The following EDIL3 variants were observed in gnomAD, a reference collection of about 807,000 sequenced individuals.
The protein encoded by EDIL3 is EGF-like repeat and discoidin I-like domain-containing protein 3.
Under a neutral mutation model 67.4 loss-of-function variants are expected in EDIL3, and 37 were observed. The ratio of observed to expected loss-of-function variants is 0.55; its 90% CI spans 0.42 to 0.72. The LOEUF is 0.72. Among genes scored for constraint, EDIL3 ranks in the 30% least tolerant of loss-of-function variants. The pLI is 0.00. For synonymous variants in EDIL3, 195 were observed against 196.3 expected, an observed-to-expected ratio of 0.99 and a Z score of 0.05; for missense variants, 527 against 586.3, an observed-to-expected ratio of 0.90 and a Z score of 1.04.
At chr5:84,184,419 G>A (rs937707149) in intron 3 of EDIL3, among the ~76,000 whole-genome samples, 3 of 152,184 alleles carry the variant, frequency 2.0e-5, no homozygotes, top group East Asian at 1.9e-4. Context: ...CAATGTGCTC[G>A]GAGGCTGTAA....
At chr5:84,330,557 C>T (rs1746850926) in intron 1 of EDIL3, among the ~76,000 whole-genome samples, 1 of 152,116 alleles carries the variant, frequency 6.6e-6, no homozygotes, top group African/African-American at 2.4e-5. Flanking sequence ...TCAATAAAAA[C>T]ATTACCTTGA....
In EDIL3 at chr5:84,075,642, A is replaced by C. The variant is rs181657877; in HGVS notation, c.652-9036T>G. Among the ~76,000 whole-genome samples, 404 of 151,926 alleles carry C rather than the reference A, an allele frequency of 2.7e-3. 2 individuals carry two copies. The highest frequency in any genetic ancestry group is 9.5e-3 in the African/African-American group (392 of 41,448). The stretch of plus-strand genomic sequence containing the variant: ...AGGCGTGTGCCACCACTCCTGGCTA[A>C]TTTTGTATTTTTAGTAGAGATGGAG... On this transcript the variant is annotated intron_variant, in intron 6 of 10. Coordinates refer to ENST00000296591, the MANE Select transcript of EDIL3 (RefSeq NM_005711.5).
At chr5:84,065,729 A>G (rs746312339) in intron 7 of EDIL3, among the ~76,000 whole-genome samples, 1 of 152,184 alleles carries the variant, frequency 6.6e-6, no homozygotes, top group South Asian at 2.1e-4. Flanking sequence ...TTCCAATATG[A>G]AGCATATAAA....
intron 9 of EDIL3, among the ~76,000 whole-genome samples, chr5:84,027,156 G>C (rs1447976524): frequency 2.6e-5 from 4 of 152,124 alleles, no homozygotes; most frequent in African/African-American, 7.2e-5. Flanking sequence ...GGTGTCCTTT[G>C]AGCTCAAGCT....
chr5:84,037,265 CTG>C, intron 9 of EDIL3, among the ~76,000 whole-genome samples: 1 of 152,286 alleles, frequency 6.6e-6, no homozygotes, highest in South Asian at 2.1e-4. Context: ...CTAAATAAAG[CTG>C]TGTCCTAAAA....
At chr5:84,276,811 A>T (rs1421563233) in intron 1 of EDIL3, among the ~76,000 whole-genome samples, 2 of 151,928 alleles carry the variant, frequency 1.3e-5, no homozygotes, top group Non-Finnish European at 2.9e-5. Context: ...TGACCTCGCG[A>T]TCCACCCGCC....
chr5:84,312,539 G>C (rs1746426279), intron 1 of EDIL3, among the ~76,000 whole-genome samples: 1 of 148,048 alleles, frequency 6.8e-6, no homozygotes, highest in African/African-American at 2.5e-5. Context: ...CCCGGACAGG[G>C]GTGGCTGGCC....
chr5:84,230,881 T>C (rs1327404197), intron 2 of EDIL3, among the ~76,000 whole-genome samples: 2 of 151,816 alleles, frequency 1.3e-5, no homozygotes, highest in Non-Finnish European at 2.9e-5. Context: ...ACCTGCATTT[T>C]AAAGAGTGAC....
intron 2 of EDIL3, among the ~76,000 whole-genome samples, chr5:84,245,640 T>A (rs564872077): frequency 2.0e-5 from 3 of 152,278 alleles, no homozygotes; most frequent in African/African-American, 7.2e-5. Context: ...ATTTTTGGCA[T>A]GTTTTACATA....
At chr5:84,371,464 GAGAGAGAGAGAGAA>G (rs985274968) in intron 1 of EDIL3, among the ~76,000 whole-genome samples, 3 of 147,576 alleles carry the variant, frequency 2.0e-5, no homozygotes, top group African/African-American at 7.4e-5. Context: ...GAGAGAGAGA[GAGAGAGAGAGAGAA>G]AGAGAGAGAG....
intron 5 of EDIL3, among the ~76,000 whole-genome samples, chr5:84,123,052 CTG>C (rs1438311076): frequency 6.6e-6 from 1 of 151,874 alleles, no homozygotes; most frequent in East Asian, 1.9e-4. Flanking sequence ...CTCTCTCTCA[CTG>C]TGTATTTTCT....
At chr5:84,081,467 ATAAAAACCACATT>A (rs1746966476) in intron 6 of EDIL3, among the ~76,000 whole-genome samples, 1 of 152,250 alleles carries the variant, frequency 6.6e-6, no homozygotes, top group Non-Finnish European at 1.5e-5. Flanking sequence ...GCTAATCCCA[ATAAAAACCACATT>A]AGAAACAATG....
intron 4 of EDIL3, among the ~76,000 whole-genome samples, chr5:84,167,997 A>G (rs1407273189): frequency 1.3e-5 from 2 of 152,210 alleles, no homozygotes; most frequent in Non-Finnish European, 2.9e-5. Context: ...AAGATATATC[A>G]TATAAAATGA....
chr5:84,024,730 T>A (rs10069863), intron 9 of EDIL3, among the ~76,000 whole-genome samples: 2 of 152,058 alleles, frequency 1.3e-5, no homozygotes, highest in East Asian at 3.9e-4. Context: ...ACATGAAATA[T>A]CAAAATACGG....
chr5:84,034,010 A>G (rs1668528271), intron 9 of EDIL3, among the ~76,000 whole-genome samples: 1 of 152,316 alleles, frequency 6.6e-6, no homozygotes, highest in South Asian at 2.1e-4. Flanking sequence ...GCTCACAGGA[A>G]AAACTCCAGA....
chr5:84,234,651 T>C (rs974515359), intron 2 of EDIL3, among the ~76,000 whole-genome samples: 2 of 152,168 alleles, frequency 1.3e-5, no homozygotes, highest in African/African-American at 4.8e-5. Context: ...TGGCTTACCA[T>C]CAAATAGGAA....
chr5:84,278,351 T>G (rs1400310256), intron 1 of EDIL3, among the ~76,000 whole-genome samples: 1 of 152,016 alleles, frequency 6.6e-6, no homozygotes, highest in Non-Finnish European at 1.5e-5. Context: ...TAGAGAGAAT[T>G]TTTTTTTGTT....
At chr5:84,074,043 G>C (rs576889610) in intron 6 of EDIL3, among the ~76,000 whole-genome samples, 1 of 151,768 alleles carries the variant, frequency 6.6e-6, no homozygotes, top group Non-Finnish European at 1.5e-5. Flanking sequence ...AAATAATGCC[G>C]CATATCTACA....
At chr5:84,341,128 C>A (rs758352474) in intron 1 of EDIL3, among the ~76,000 whole-genome samples, 3 of 152,038 alleles carry the variant, frequency 2.0e-5, no homozygotes, top group Non-Finnish European at 4.4e-5. Flanking sequence ...GTTTATCTTG[C>A]CTGATGGATC....
Sources: allele counts gnomAD v4.1 joint callset (sites outside exome capture counted in the v4.1 genomes callset), GRCh38; gene constraint gnomAD v4.1.1; transcripts MANE v1.5; gene names NCBI Gene and HGNC (gene_info 2026-07-23, HGNC 2026-07-21).